ZFHX3: variants seen among roughly 807,000 people sequenced by gnomAD.
ZFHX3 encodes the protein zinc finger homeobox 3, also known as zinc finger homeobox protein 3.
In ZFHX3, 42 loss-of-function variants were observed where a neutral mutation model predicts 279.1. That is an observed-to-expected ratio of 0.15 (90% CI 0.12 to 0.19). The LOEUF is 0.19. Ranked by LOEUF, ZFHX3 falls within the 10% of genes least tolerant of loss-of-function variation. The probability of loss-of-function intolerance (pLI) is 1.00; values close to 1 mark genes in which losing one functional copy is unlikely to be tolerated. For missense variants in ZFHX3, 4,981 were observed against 4,754.0 expected (o/e 1.05, Z -1.40); for synonymous variants, 2,293 against 1,957.8 (o/e 1.17, Z -4.52).
chr16:73,040,577 A>G (rs372753430), intron 1 of ZFHX3, among the ~76,000 whole-genome samples: 173 of 152,120 alleles, frequency 1.1e-3, no homozygotes, highest in African/African-American at 3.7e-3. Context: ...TGGATGGGGG[A>G]CACTGTAACT....
At chr16:73,619,320 C>T (rs887969499) in intron 2 of ZFHX3, among the ~76,000 whole-genome samples, 6 of 151,656 alleles carry the variant, frequency 4.0e-5, no homozygotes, top group Admixed American at 1.3e-4. Context: ...AATCCCGTCT[C>T]TACTAAAAAT....
At chr16:72,861,832 A>G (rs1242659165) in intron 4 of ZFHX3, among the ~76,000 whole-genome samples, 1 of 152,092 alleles carries the variant, frequency 6.6e-6, no homozygotes, top group African/African-American at 2.4e-5. Context: ...CTGGCCAACA[A>G]GGTGAAATCC....
At chr16:73,038,676 ACTCT>A (rs35471941) in intron 1 of ZFHX3, among the ~76,000 whole-genome samples, 15,612 of 147,378 alleles carry the variant, frequency 0.11, 998 homozygotes, top group Admixed American at 0.24. Context: ...ATAAGCTTGT[ACTCT>A]CTCTCTCTCT....
chr16:73,820,092 G>A (rs1487961788), intron 1 of ZFHX3, among the ~76,000 whole-genome samples: 2 of 152,078 alleles, frequency 1.3e-5, no homozygotes, highest in Non-Finnish European at 2.9e-5. Flanking sequence ...AGTACTGGGA[G>A]TAAGTCTTTT....
At chr16:72,802,154 G>A (rs948430566) in intron 7 of ZFHX3, among the ~76,000 whole-genome samples, 2 of 152,042 alleles carry the variant, frequency 1.3e-5, no homozygotes, top group East Asian at 1.9e-4. Flanking sequence ...TCAGTACGAC[G>A]GATCAGTAAT....
intron 1 of ZFHX3, among the ~76,000 whole-genome samples, chr16:73,032,341 A>AAAACAG (rs1964735750): frequency 6.6e-6 from 1 of 152,086 alleles, no homozygotes; most frequent in Non-Finnish European, 1.5e-5. Context: ...AACAAAAACA[A>AAAACAG]AAACCTGGCT....
At chr16:73,480,702 T>C (rs1264361912) in intron 2 of ZFHX3, among the ~76,000 whole-genome samples, 1 of 152,144 alleles carries the variant, frequency 6.6e-6, no homozygotes, top group African/African-American at 2.4e-5. Flanking sequence ...CTTTCTCCAA[T>C]CTTACAGGGA....
chr16:73,471,040 A>AT (rs1014114504), intron 2 of ZFHX3, among the ~76,000 whole-genome samples: 54 of 151,862 alleles, frequency 3.6e-4, no homozygotes, highest in Admixed American at 3.0e-3. Flanking sequence ...TCAGGACATG[A>AT]TTTTTTTTTC....
At chr16:73,301,479 T>C (rs1029027882) in intron 4 of ZFHX3, among the ~76,000 whole-genome samples, 7 of 152,166 alleles carry the variant, frequency 4.6e-5, no homozygotes, top group African/African-American at 1.7e-4. Context: ...CCCTGGCCTC[T>C]ACCCTCCAGA....
intron 8 of ZFHX3, 133 bp from the exon 9 acceptor site, chr16:72,798,847 T>TGACA: frequency 7.1e-7 from 1 of 1,405,976 alleles, no homozygotes; most frequent in Non-Finnish European, 9.2e-7. Context: ...CCAACCTGAA[T>TGACA]GACAGAATCT....
At chr16:72,992,549 C>T (rs1040294673) in intron 1 of ZFHX3, among the ~76,000 whole-genome samples, 1 of 152,062 alleles carries the variant, frequency 6.6e-6, no homozygotes, top group African/African-American at 2.4e-5. Context: ...GGGGGTGCCT[C>T]CTAGGGATCC....
chr16:73,311,526 G>T (rs2015325150), intron 4 of ZFHX3, among the ~76,000 whole-genome samples: 2 of 145,156 alleles, frequency 1.4e-5, no homozygotes, highest in Admixed American at 7.1e-5. Context: ...TGAGACAGAG[G>T]TTGCAGTGAG....
chr16:73,228,491 C>T (rs1015919049), intron 5 of ZFHX3, among the ~76,000 whole-genome samples: 13 of 152,104 alleles, frequency 8.5e-5, no homozygotes, highest in Admixed American at 7.9e-4. Context: ...GGTGAAACCT[C>T]ATCTCTACGA....
intron 7 of ZFHX3, among the ~76,000 whole-genome samples, chr16:73,104,996 C>T (rs1043098205): frequency 1.8e-4 from 28 of 152,128 alleles, no homozygotes; most frequent in Admixed American, 1.6e-3. Context: ...ATGCAAGCAT[C>T]CTGCGGAGGG....
chr16:73,626,103 G>T (rs969843623), intron 2 of ZFHX3, among the ~76,000 whole-genome samples: 3 of 152,096 alleles, frequency 2.0e-5, no homozygotes, highest in Non-Finnish European at 4.4e-5. Flanking sequence ...TGATCCGCCC[G>T]CCTCGGCCTC....
At chr16:73,591,898 T>A (rs899008174) in intron 2 of ZFHX3, among the ~76,000 whole-genome samples, 1 of 150,596 alleles carries the variant, frequency 6.6e-6, no homozygotes, top group African/African-American at 2.4e-5. Flanking sequence ...TTATTGTTAA[T>A]AATTTTTAGG....
chr16:73,521,294 G>A (rs991281471), intron 2 of ZFHX3, among the ~76,000 whole-genome samples: 6 of 152,154 alleles, frequency 3.9e-5, no homozygotes, highest in African/African-American at 7.2e-5. Context: ...CTACCTTAAA[G>A]GTTTGTTGTA....
At chr16:73,478,518 C>T (rs1355853447) in intron 2 of ZFHX3, among the ~76,000 whole-genome samples, 2 of 152,090 alleles carry the variant, frequency 1.3e-5, no homozygotes, top group African/African-American at 4.8e-5. Context: ...CCAGGATTCC[C>T]CTGGGCAAAC....
chr16:73,716,417 C>G (rs2386711), intron 1 of ZFHX3, among the ~76,000 whole-genome samples: 3,358 of 152,230 alleles, frequency 0.022, 132 homozygotes, highest in African/African-American at 0.077. Context: ...AACAATTAAG[C>G]TGCTGGCCAG....
Sources: allele counts gnomAD v4.1 joint callset (sites outside exome capture counted in the v4.1 genomes callset), GRCh38; gene constraint gnomAD v4.1.1; transcripts MANE v1.5; gene names NCBI Gene and HGNC (gene_info 2026-07-23, HGNC 2026-07-21).